PIK3CD: variants seen among roughly 807,000 people sequenced by gnomAD.
PIK3CD encodes phosphatidylinositol-4,5-bisphosphate 3-kinase catalytic subunit delta, also known as phosphatidylinositol 4,5-bisphosphate 3-kinase catalytic subunit delta isoform.
PIK3CD carries 20 observed loss-of-function variants against 122.9 expected under a neutral mutation model. The ratio of observed to expected loss-of-function variants is 0.16; its 90% CI spans 0.11 to 0.24. PIK3CD has a LOEUF of 0.24. Among genes scored for constraint, PIK3CD ranks in the 10% least tolerant of loss-of-function variants. PIK3CD has a pLI of 1.00. For missense variants in PIK3CD, 787 were observed against 1,406.3 expected (o/e 0.56, Z 7.04); for synonymous variants, 596 against 593.4 (o/e 1.00, Z -0.06).
At chr1:9,657,726 C>CT (rs1644900118) in intron 1 of PIK3CD, among the ~76,000 whole-genome samples, 1 of 152,188 alleles carries the variant, frequency 6.6e-6, no homozygotes, top group African/African-American at 2.4e-5. Flanking sequence ...CTCTCTCTCT[C>CT]TGAGGTCACA....
intron 1 of PIK3CD, chr1:9,653,604 G>C (rs1644746419): frequency 2.5e-6 from 1 of 395,592 alleles, no homozygotes; most frequent in Admixed American, 3.4e-5. Flanking sequence ...TGTAACACCC[G>C]CTGCTGCTGT....
At chr1:9,633,873 A>C in the PIK3CD span, among the ~76,000 whole-genome samples, 8 of 152,172 alleles carry the variant, frequency 5.3e-5, no homozygotes, top group African/African-American at 1.9e-4. Flanking sequence ...GGAAGTTCTT[A>C]AGAGGGACCA....
Position 9,723,628 on chromosome 1 carries a change from G to A in PIK3CD, c.2594+336G>A, listed in dbSNP as rs533693897. On this transcript the variant is annotated intron_variant, in intron 20 of 23. Coordinates refer to ENST00000377346, the MANE Select transcript of PIK3CD (RefSeq NM_005026.5). This position sits in a 1 kb window ranked among gnomAD's most constrained non-coding sequence, Gnocchi z 4.9. The stretch of plus-strand genomic sequence containing the variant: ...ACTCATGCAGCTGTTCTCATCTGGT[G>A]CCTTAACTGGGCCAGTGGGGTCTGA... 6.6e-6 allele frequency among the ~76,000 whole-genome samples: 1 copy of A among 152,338 alleles called. No individual in the cohort carries two copies. The highest frequency in any genetic ancestry group is 1.9e-4 in the East Asian group (1 of 5,184).
At position 9,716,542 on chromosome 1, in the gene PIK3CD, C is replaced by A. The variant is rs759852203; in HGVS notation, c.703C>A (p.Gln235Lys). ...AGTGTTCCGGCAGCCGCTGGTGGAG[C>A]AGCCGGAAGACTACACGCTGCAGGT... Reference protein sequence around the residue: ...ATVFRQPLVEQPEDYTLQVNG... With the variant: ...ATVFRQPLVEKPEDYTLQVNG... Residue 235 changes from glutamine (Q) to lysine (K), a missense_variant, in exon 6 of 24, where the codon CAG (glutamine) becomes AAG (lysine). Gln to Lys is a moderately conservative substitution (Grantham distance 53, BLOSUM62 1). This residue lies in a region of PIK3CD where 592 missense variants were observed against 920.6 expected (regional missense o/e 0.64). Transcript: ENST00000377346. 8 of 1,608,778 alleles carry A rather than the reference C, an allele frequency of 5.0e-6. No individual in the cohort carries two copies.
At chr1:9,683,617 G>T (rs1645856163) in intron 1 of PIK3CD, among the ~76,000 whole-genome samples, 1 of 152,046 alleles carries the variant, frequency 6.6e-6, no homozygotes, top group South Asian at 2.1e-4. Context: ...GATGACTATT[G>T]TAACTATTTA....
chr1:9,680,378 G>A (rs764149068), intron 1 of PIK3CD, among the ~76,000 whole-genome samples: 3 of 152,046 alleles, frequency 2.0e-5, no homozygotes, highest in African/African-American at 4.8e-5. Flanking sequence ...TTGGGAGGCT[G>A]AGGCTGAACT....
At chr1:9,634,353 G>C in the PIK3CD span, among the ~76,000 whole-genome samples, 1 of 151,982 alleles carries the variant, frequency 6.6e-6, no homozygotes, top group African/African-American at 2.4e-5. Context: ...GTAGACACGG[G>C]GTTTCACCAT....
chr1:9,643,335 G>A, the PIK3CD span, among the ~76,000 whole-genome samples: 1 of 151,462 alleles, frequency 6.6e-6, no homozygotes, highest in South Asian at 2.1e-4. Flanking sequence ...TTGAACCTGG[G>A]AGATGGAGGT....
At chr1:9,701,570 G>A (rs184325657) in intron 2 of PIK3CD, among the ~76,000 whole-genome samples, 4 of 151,660 alleles carry the variant, frequency 2.6e-5, no homozygotes, top group African/African-American at 9.7e-5. Flanking sequence ...TTACGAGGCT[G>A]AGGCAGGAGA....
chr1:9,691,358 A>G (rs1646189604), intron 1 of PIK3CD, 109 bp from the exon 2 acceptor site: 1 of 392,244 alleles, frequency 2.5e-6, no homozygotes, highest in African/African-American at 2.1e-5. Context: ...AGAGACCTAG[A>G]TGAAGCAGTT....
chr1:9,641,742 G>A, the PIK3CD span, among the ~76,000 whole-genome samples: 1 of 152,086 alleles, frequency 6.6e-6, no homozygotes, highest in Non-Finnish European at 1.5e-5. Context: ...TCACAACCTG[G>A]GGATGGAGGG....
intron 1 of PIK3CD, among the ~76,000 whole-genome samples, chr1:9,656,942 C>CAAAA (rs56008596): frequency 8.7e-6 from 1 of 115,014 alleles, no homozygotes; most frequent in African/African-American, 3.1e-5. Context: ...GACTCCATCT[C>CAAAA]AAAAAAAAAA....
chr1:9,654,202 A>G, intron 1 of PIK3CD: 1 of 1,366,258 alleles, frequency 7.3e-7, no homozygotes, highest in Admixed American at 1.9e-5. Context: ...ACTCACTTAG[A>G]TGTTTCTGGA....
At position 9,726,977 on chromosome 1, in the gene PIK3CD, C is replaced by G; in HGVS notation, c.3066C>G (p.Ala1022=). Residue 1022 remains alanine, a synonymous_variant, in exon 24 of 24, where the codon GCC becomes GCG. Transcript: ENST00000377346. Reference sequence around the variant, plus strand: ...ACTTCCGAGTGAAGTTTAACGAAGCCCTCCGTGAGAGCTGGAAAACCAAAG... The same window carrying G: ...ACTTCCGAGTGAAGTTTAACGAAGCGCTCCGTGAGAGCTGGAAAACCAAAG... The part of the protein sequence containing the change: ...LKHFRVKFNE[A]LRESWKTKVN... 6.2e-7 allele frequency: 1 copy of G among 1,613,968 alleles called. No homozygotes were observed. The highest frequency in any genetic ancestry group is 8.5e-7 in the Non-Finnish European group (1 of 1,179,954).
intron 5 of PIK3CD, 50 bp downstream of exon 5, chr1:9,716,128 G>A: frequency 2.1e-6 from 3 of 1,455,082 alleles, no homozygotes; most frequent in Non-Finnish European, 1.9e-6. Flanking sequence ...TCCATGGGGA[G>A]CACTTCCTCT....
At chr1:9,640,457 G>A in the PIK3CD span, among the ~76,000 whole-genome samples, 2 of 149,406 alleles carry the variant, frequency 1.3e-5, no homozygotes, top group Non-Finnish European at 2.9e-5. Context: ...GTGGGCGCCT[G>A]TAATCCCAGC....
intron 1 of PIK3CD, among the ~76,000 whole-genome samples, chr1:9,657,528 G>A (rs1013164240): frequency 5.9e-5 from 9 of 151,916 alleles, no homozygotes; most frequent in Admixed American, 1.3e-4. Flanking sequence ...CCTGCTTTCC[G>A]TTCCCCAACT....
At chr1:9,716,265 C>G (rs1647416049) in intron 5 of PIK3CD, 175 bp from the exon 6 acceptor site, 1 of 814,628 alleles carries the variant, frequency 1.2e-6, no homozygotes. Flanking sequence ...GGCAGGATAA[C>G]CAAGTGGCGT....
At chr1:9,663,001 C>T (rs1267962990) in intron 1 of PIK3CD, among the ~76,000 whole-genome samples, 2 of 152,166 alleles carry the variant, frequency 1.3e-5, no homozygotes, top group Non-Finnish European at 2.9e-5. Flanking sequence ...GGTTCCATTT[C>T]TTTATCAAAC....
Sources: gnomAD v4.1 joint callset for allele counts (sites outside exome capture counted in the v4.1 genomes callset) on GRCh38, gnomAD v4.1.1 for gene constraint, gnomAD v4.1.1 regional missense constraint, Gnocchi (gnomAD v3.1) non-coding constraint, MANE v1.5 for transcripts, NCBI Gene and HGNC (gene_info 2026-07-23, HGNC 2026-07-21) for gene names.